CLASP1: variants seen among roughly 807,000 people sequenced by gnomAD.
CLASP1 encodes the protein CLIP-associating protein 1.
A neutral mutation model predicts 192.3 loss-of-function variants in CLASP1; 38 were observed. That is an observed-to-expected ratio of 0.20 (90% CI 0.15 to 0.26). CLASP1 has a LOEUF of 0.26. CLASP1 is among the 10% of genes least tolerant of loss of function. CLASP1 has a pLI of 1.00. For synonymous variants in CLASP1, 691 were observed against 712.8 expected (o/e 0.97, Z 0.49); for missense variants, 1,433 against 1,932.5 (o/e 0.74, Z 4.85).
At position 121,530,343 on chromosome 2, in the gene CLASP1, G is replaced by C; in HGVS notation, c.196-18C>G. On this transcript the variant is annotated intron_variant, in intron 2 of 39. Coordinates refer to ENST00000263710, the Ensembl canonical transcript of CLASP1. ...AGAACCACCTGCAGCGGGAAACACC[G>C]GGAGCCTGTTAGCAGCCGGCCTGCG... The C allele has an allele frequency of 6.5e-7, 1 of 1,544,518 alleles. No homozygotes were observed.
Position 121,426,569 on chromosome 2 carries a change from C to G in CLASP1, c.2044+835G>C, listed in dbSNP as rs866944156. Among the ~76,000 whole-genome samples the G allele has an allele frequency of 5.9e-5, 9 of 152,160 alleles. No homozygotes were observed. In the South Asian group the frequency reaches 1.2e-3, roughly 21 times the overall value. On this transcript the variant is annotated intron_variant, in intron 21 of 39. Transcript: ENST00000263710. ...TCCCACATACACATATATATCCCAA[C>G]AGATAGAACACATATTCTTTTTACC... is the stretch of plus-strand genomic sequence containing the variant.
At chr2:121,360,609 A>T (rs905931242) in intron 37 of CLASP1, among the ~76,000 whole-genome samples, 4 of 151,982 alleles carry the variant, frequency 2.6e-5, no homozygotes, top group African/African-American at 9.7e-5. Context: ...AAGAAAAAAA[A>T]AAAAAAAAGG....
At chr2:121,534,023 CT>C (rs2094970626) in intron 2 of CLASP1, among the ~76,000 whole-genome samples, 1 of 152,216 alleles carries the variant, frequency 6.6e-6, no homozygotes, top group South Asian at 2.1e-4. Context: ...CTAAAAAATG[CT>C]GGACATAAAA....
At chr2:121,407,983 C>T (rs2077168311) in intron 24 of CLASP1, 1 of 540,698 alleles carries the variant, frequency 1.8e-6, no homozygotes, top group Non-Finnish European at 3.5e-6. Context: ...AGACAGATCA[C>T]AACCTTGGTG....
At chr2:121,630,723 G>A (rs1399381174) in intron 1 of CLASP1, among the ~76,000 whole-genome samples, 1 of 151,830 alleles carries the variant, frequency 6.6e-6, no homozygotes, top group Non-Finnish European at 1.5e-5. Context: ...AATTAGCCGG[G>A]CATGGTGGTG....
intron 8 of CLASP1, among the ~76,000 whole-genome samples, chr2:121,491,178 A>T (rs968263677): frequency 6.6e-6 from 1 of 152,258 alleles, no homozygotes; most frequent in Non-Finnish European, 1.5e-5. Flanking sequence ...AGCAAAATGC[A>T]TTTGGCAACA....
chr2:121,364,840 G>A (rs2067078872), intron 36 of CLASP1: 1 of 508,594 alleles, frequency 2.0e-6, no homozygotes, highest in African/African-American at 1.9e-5. Context: ...ACTAGATGCA[G>A]GAATGAAGTT....
chr2:121,354,860 G>A (rs2065105285), intron 37 of CLASP1, among the ~76,000 whole-genome samples: 2 of 152,150 alleles, frequency 1.3e-5, no homozygotes, highest in Non-Finnish European at 2.9e-5. Flanking sequence ...GGCTTGACAG[G>A]AGCAAGCTAA....
chr2:121,523,546 C>G (rs897450694), intron 6 of CLASP1, among the ~76,000 whole-genome samples: 2 of 152,176 alleles, frequency 1.3e-5, no homozygotes, highest in African/African-American at 4.8e-5. Flanking sequence ...AAGAGTAGGG[C>G]ATTCTCCAAG....
At chr2:121,351,684 A>G (rs562967243) in intron 37 of CLASP1, among the ~76,000 whole-genome samples, 1 of 152,304 alleles carries the variant, frequency 6.6e-6, no homozygotes, top group South Asian at 2.1e-4. Flanking sequence ...AACACACTGC[A>G]GCCACCTCTG....
At chr2:121,368,126 T>C (rs1194287483) in intron 34 of CLASP1, among the ~76,000 whole-genome samples, 2 of 152,160 alleles carry the variant, frequency 1.3e-5, no homozygotes, top group African/African-American at 2.4e-5. Context: ...CTCAGAAGCC[T>C]TTCCTTGAGA....
chr2:121,523,836 G>A (rs2094510473), intron 6 of CLASP1, among the ~76,000 whole-genome samples: 1 of 152,172 alleles, frequency 6.6e-6, no homozygotes, highest in Non-Finnish European at 1.5e-5. Flanking sequence ...AAAGCCCAAG[G>A]ATCCACACAG....
intron 21 of CLASP1, among the ~76,000 whole-genome samples, 183 bp downstream of exon 21, chr2:121,427,221 A>C (rs2080557972): frequency 6.6e-6 from 1 of 152,186 alleles, no homozygotes; most frequent in African/African-American, 2.4e-5. Flanking sequence ...ATAAACTATT[A>C]AACTATGTAT....
chr2:121,524,650 T>C (rs1330799942), intron 6 of CLASP1, among the ~76,000 whole-genome samples: 2 of 152,062 alleles, frequency 1.3e-5, no homozygotes, highest in Non-Finnish European at 2.9e-5. Flanking sequence ...AGAGATGGGG[T>C]TTCACCATGT....
chr2:121,620,380 T>C (rs1018809149), intron 1 of CLASP1, among the ~76,000 whole-genome samples: 1 of 151,948 alleles, frequency 6.6e-6, no homozygotes, highest in Non-Finnish European at 1.5e-5. Flanking sequence ...AGATGAAGTC[T>C]CGTTCTGTTG....
intron 2 of CLASP1, among the ~76,000 whole-genome samples, chr2:121,602,911 A>C (rs1355854727): frequency 1.3e-5 from 2 of 152,208 alleles, no homozygotes; most frequent in South Asian, 2.1e-4. Flanking sequence ...AATATTTTAT[A>C]AATAAGACCT....
At chr2:121,449,526 C>T (rs1425205011) in intron 16 of CLASP1, among the ~76,000 whole-genome samples, 1 of 139,260 alleles carries the variant, frequency 7.2e-6, no homozygotes, top group African/African-American at 2.7e-5. Context: ...CCTTAGGTAA[C>T]ATGTGCAAAA....
intron 1 of CLASP1, among the ~76,000 whole-genome samples, chr2:121,608,976 T>TA (rs1233859276): frequency 5.3e-5 from 8 of 152,226 alleles, no homozygotes; most frequent in Non-Finnish European, 8.8e-5. Flanking sequence ...TTCAACTCTA[T>TA]AAAGTAGGTG....
At chr2:121,606,651 G>A (rs1370423781) in intron 1 of CLASP1, among the ~76,000 whole-genome samples, 1 of 152,148 alleles carries the variant, frequency 6.6e-6, no homozygotes, top group African/African-American at 2.4e-5. Flanking sequence ...CAAAGTGGCT[G>A]GCTTGGTCAC....
Sources: allele counts gnomAD v4.1 joint callset (sites outside exome capture counted in the v4.1 genomes callset), GRCh38; gene constraint gnomAD v4.1.1; transcripts MANE v1.5; gene names NCBI Gene and HGNC (gene_info 2026-07-23, HGNC 2026-07-21).